Variants in RPS6KC1 observed in about 807,000 individuals in gnomAD.
The protein encoded by RPS6KC1 is inactive ribosomal protein S6 kinase delta-1.
Under a neutral mutation model 103.8 loss-of-function variants are expected in RPS6KC1, and 54 were observed. That is an observed-to-expected ratio of 0.52 (90% CI 0.42 to 0.65). The LOEUF is 0.65. Among genes scored for constraint, RPS6KC1 ranks in the 30% least tolerant of loss-of-function variants. RPS6KC1 has a pLI of 0.00. For missense variants in RPS6KC1, 1,151 were observed against 1,253.8 expected (o/e 0.92, Z 1.24); for synonymous variants, 439 against 438.7 (o/e 1.00, Z -0.01).
intron 4 of RPS6KC1, among the ~76,000 whole-genome samples, chr1:213,106,775 G>A (rs2082540390): frequency 6.6e-6 from 1 of 152,086 alleles, no homozygotes; most frequent in Non-Finnish European, 1.5e-5. Flanking sequence ...GAAATTATCA[G>A]TATATTGCCA....
chr1:213,732,147 T>C, the RPS6KC1 span, among the ~76,000 whole-genome samples: 1 of 152,302 alleles, frequency 6.6e-6, no homozygotes, highest in African/African-American at 2.4e-5. Flanking sequence ...AGTTTAAGTC[T>C]CCACTCTTTA....
the RPS6KC1 span, among the ~76,000 whole-genome samples, chr1:213,811,297 C>T: frequency 2.6e-5 from 4 of 152,274 alleles, no homozygotes; most frequent in East Asian, 1.9e-4. Context: ...CAGAATTGAA[C>T]GTGGCGGGGC....
chr1:213,766,152 C>T, the RPS6KC1 span, among the ~76,000 whole-genome samples: 3 of 152,200 alleles, frequency 2.0e-5, no homozygotes, highest in Non-Finnish European at 4.4e-5. Context: ...AACTTCCCAA[C>T]GTGTCTTTCT....
At position 213,104,494 on chromosome 1, in the gene RPS6KC1, T is replaced by C. The variant is rs1443678438; in HGVS notation, c.303T>C (p.Cys101=). ...DETVIEERRQ[C]AEDLLQFSAN... is the part of the protein sequence containing the mutation. ...CTGTTATCGAAGAGAGAAGACAATG[T>C]GCTGAAGACCTGCTACAGTTCTCTG... Residue 101 remains cysteine (C), a synonymous_variant, in exon 4 of 15, where the codon TGT becomes TGC. Coordinates refer to ENST00000366960, the MANE Select transcript of RPS6KC1 (RefSeq NM_012424.6). 1 of 1,612,794 alleles carries C rather than the reference T, an allele frequency of 6.2e-7. No homozygotes were observed. Among genetic ancestry groups the C allele is most frequent in the East Asian group, 2.2e-5 (1 of 44,806 alleles).
At chr1:213,258,226 C>A (rs964761649) in intron 12 of RPS6KC1, among the ~76,000 whole-genome samples, 3 of 152,030 alleles carry the variant, frequency 2.0e-5, no homozygotes, top group Non-Finnish European at 4.4e-5. Flanking sequence ...CATGATCTGG[C>A]CTCCCAAGTG....
the RPS6KC1 span, among the ~76,000 whole-genome samples, chr1:213,471,294 T>C: frequency 6.6e-6 from 1 of 152,206 alleles, no homozygotes; most frequent in African/African-American, 2.4e-5. Context: ...GAATCAGTCA[T>C]TCTGCCAAGG....
At chr1:213,368,407 C>A in the RPS6KC1 span, among the ~76,000 whole-genome samples, 9 of 152,134 alleles carry the variant, frequency 5.9e-5, no homozygotes, top group Non-Finnish European at 1.0e-4. Context: ...CTTGTGAGTT[C>A]CGCGCCTGCT....
intron 6 of RPS6KC1, among the ~76,000 whole-genome samples, chr1:213,132,120 T>C (rs929835319): frequency 2.0e-5 from 3 of 152,248 alleles, no homozygotes; most frequent in African/African-American, 7.2e-5. Flanking sequence ...GTTACTTTGC[T>C]GATTATGGTG....
the RPS6KC1 span, among the ~76,000 whole-genome samples, chr1:213,639,151 G>T: frequency 1.3e-5 from 2 of 151,978 alleles, no homozygotes; most frequent in African/African-American, 4.8e-5. Context: ...ATTGTATGTT[G>T]TTACTATATA....
At chr1:213,442,169 G>T in the RPS6KC1 span, among the ~76,000 whole-genome samples, 1 of 152,154 alleles carries the variant, frequency 6.6e-6, no homozygotes, top group African/African-American at 2.4e-5. Context: ...AAGAAAGCCA[G>T]GCAATTCTGA....
the RPS6KC1 span, among the ~76,000 whole-genome samples, chr1:213,645,793 C>T: frequency 6.6e-6 from 1 of 152,208 alleles, no homozygotes; most frequent in South Asian, 2.1e-4. Context: ...ACTGAAGCTT[C>T]ATGTGTCAAC....
the RPS6KC1 span, among the ~76,000 whole-genome samples, chr1:213,680,634 G>A: frequency 3.3e-5 from 5 of 151,708 alleles, no homozygotes; most frequent in East Asian, 3.8e-4. Context: ...ATCCTAAAGC[G>A]CCTTTTTTAT....
chr1:213,058,059 C>CTTTTT (rs756919339), intron 1 of RPS6KC1, among the ~76,000 whole-genome samples: 2 of 111,948 alleles, frequency 1.8e-5, no homozygotes, highest in African/African-American at 7.9e-5. Flanking sequence ...TGCGCCTGAC[C>CTTTTT]TTTTTTTTTT....
the RPS6KC1 span, among the ~76,000 whole-genome samples, chr1:213,806,064 G>A: frequency 1.3e-5 from 2 of 152,216 alleles, no homozygotes; most frequent in Admixed American, 6.5e-5. Context: ...CAGGCATGGC[G>A]GCTCATGCCT....
At chr1:213,120,944 C>T (rs1054977506) in intron 5 of RPS6KC1, among the ~76,000 whole-genome samples, 13 of 152,096 alleles carry the variant, frequency 8.5e-5, no homozygotes, top group African/African-American at 1.7e-4. Context: ...GAAAACATGA[C>T]GATCTGGGTG....
chr1:213,158,449 A>G (rs774294140), intron 6 of RPS6KC1, among the ~76,000 whole-genome samples: 2 of 152,200 alleles, frequency 1.3e-5, no homozygotes, highest in Non-Finnish European at 2.9e-5. Context: ...CAGCTGGGAA[A>G]CTCTCATTTA....
the RPS6KC1 span, among the ~76,000 whole-genome samples, chr1:213,389,855 GT>G: frequency 7.9e-5 from 12 of 152,040 alleles, 1 homozygote; most frequent in African/African-American, 2.7e-4. Flanking sequence ...GTTCTTTAGG[GT>G]TTTTTTTCAT....
At chr1:213,446,799 T>C in the RPS6KC1 span, among the ~76,000 whole-genome samples, 1 of 152,230 alleles carries the variant, frequency 6.6e-6, no homozygotes, top group Non-Finnish European at 1.5e-5. Flanking sequence ...GTCTTGCTTT[T>C]TGGTCTGCTA....
chr1:213,808,030 C>T, the RPS6KC1 span, among the ~76,000 whole-genome samples: 1,017 of 152,266 alleles, frequency 6.7e-3, 15 homozygotes, highest in African/African-American at 0.023. Flanking sequence ...TTGGAGTTTG[C>T]TAGAGGTCCA....
Sources: allele counts gnomAD v4.1 joint callset (sites outside exome capture counted in the v4.1 genomes callset), GRCh38; gene constraint gnomAD v4.1.1; transcripts MANE v1.5; gene names NCBI Gene and HGNC (gene_info 2026-07-23, HGNC 2026-07-21).